The following PTN variants were observed in gnomAD, a reference collection of about 807,000 sequenced individuals.
The protein encoded by PTN is heparin affin regulatory protein.
In PTN, 18 loss-of-function variants were observed where a neutral mutation model predicts 24.1. The ratio of observed to expected loss-of-function variants is 0.75; its 90% CI spans 0.52 to 1.11. The LOEUF (loss-of-function observed/expected upper bound fraction) is 1.11, where lower values mean the gene tolerates loss of function less well. Ranked by LOEUF, PTN falls within the 50% of genes least tolerant of loss-of-function variation. PTN has a pLI of 0.00. For synonymous variants in PTN, 78 were observed against 68.6 expected (o/e 1.14, Z -0.67); for missense variants, 163 against 198.8 (o/e 0.82, Z 1.08).
chr7:137,227,744 T>A lies in PTN; in HGVS notation c.*276A>T, dbSNP rs946829257. The A allele has an allele frequency of 6.7e-5, 19 of 284,922 alleles. No homozygotes were observed. The highest frequency in any genetic ancestry group is 3.9e-4 in the African/African-American group (18 of 45,818). The allele number at this position is 284,922 out of a possible 1,614,324, so 17.6% of individuals were successfully genotyped here. A position where few individuals can be genotyped will look rare whatever the true frequency, so the allele number is the denominator to read the frequency against. ...AAAAAATTTAATGTAAAATGTCACATAATTTCAAAAAACTTACCTCAATTG... is the reference window on the plus strand; with the variant it reads ...AAAAAATTTAATGTAAAATGTCACAAAATTTCAAAAAACTTACCTCAATTG... On this transcript the variant is annotated 3_prime_UTR_variant, in exon 5 of 5. Transcript: ENST00000348225.
chr7:137,230,587 G>GA (rs943801555), intron 4 of PTN, among the ~76,000 whole-genome samples: 3 of 151,310 alleles, frequency 2.0e-5, no homozygotes, highest in South Asian at 2.1e-4. Flanking sequence ...AAATTTTTGT[G>GA]AAAAAAAATC....
At chr7:137,280,197 TCTA>T (rs1016492388) in intron 1 of PTN, among the ~76,000 whole-genome samples, 1 of 152,178 alleles carries the variant, frequency 6.6e-6, no homozygotes, top group African/African-American at 2.4e-5. Context: ...TTTTACTCTC[TCTA>T]CTTTTAATAT....
At chr7:137,320,174 TA>T (rs1455158601) in intron 1 of PTN, among the ~76,000 whole-genome samples, 62 of 152,322 alleles carry the variant, frequency 4.1e-4, no homozygotes, top group African/African-American at 1.4e-3. Context: ...CATGGGAGAA[TA>T]AAACAGTCTT....
At chr7:137,315,057 A>T (rs1810048215) in intron 1 of PTN, among the ~76,000 whole-genome samples, 1 of 152,202 alleles carries the variant, frequency 6.6e-6, no homozygotes, top group Admixed American at 6.5e-5. Flanking sequence ...TAGCCAGCAC[A>T]AGGTCAGGAG....
chr7:137,294,544 C>T (rs1168525843), intron 1 of PTN, among the ~76,000 whole-genome samples: 2 of 152,052 alleles, frequency 1.3e-5, no homozygotes, highest in African/African-American at 4.8e-5. Flanking sequence ...TTAGAATCAC[C>T]TACTCCCTAC....
chr7:137,283,952 A>ATTTTTTTTTTTTTTTTT (rs753374720), intron 1 of PTN, among the ~76,000 whole-genome samples: 5 of 48,922 alleles, frequency 1.0e-4, no homozygotes, highest in Non-Finnish European at 1.0e-4. Flanking sequence ...TGAGCATCAG[A>ATTTTTTTTTTTTTTTTT]TTTTTTTTTT....
At chr7:137,307,026 A>G (rs1372665251) in intron 1 of PTN, among the ~76,000 whole-genome samples, 1 of 152,058 alleles carries the variant, frequency 6.6e-6, no homozygotes, top group Non-Finnish European at 1.5e-5. Context: ...AAAAGTGCCA[A>G]TTTTCCATAC....
intron 1 of PTN, among the ~76,000 whole-genome samples, chr7:137,336,302 C>T (rs1372667346): frequency 6.6e-6 from 1 of 152,140 alleles, no homozygotes; most frequent in Non-Finnish European, 1.5e-5. Flanking sequence ...CCATACCAAA[C>T]AACAGGCGGA....
chr7:137,330,870 C>T (rs868679631), intron 1 of PTN, among the ~76,000 whole-genome samples: 1 of 152,090 alleles, frequency 6.6e-6, no homozygotes, highest in Non-Finnish European at 1.5e-5. Context: ...CAAATCCACC[C>T]TAGAGGAATC....
At chr7:137,239,004 T>C (rs571820554) in intron 4 of PTN, among the ~76,000 whole-genome samples, 2 of 152,350 alleles carry the variant, frequency 1.3e-5, no homozygotes, top group East Asian at 1.9e-4. Context: ...AATTACTCTA[T>C]AGCTGTTTTG....
intron 4 of PTN, among the ~76,000 whole-genome samples, chr7:137,248,869 G>C (rs1284653193): frequency 6.6e-6 from 1 of 152,022 alleles, no homozygotes; most frequent in Non-Finnish European, 1.5e-5. Flanking sequence ...ATCACTCATA[G>C]TAATCATATT....
In PTN at chr7:137,242,150, C is replaced by A. The variant is rs1808641189; in HGVS notation, c.451+9080G>T. Among the ~76,000 whole-genome samples, 5 of 152,246 alleles carry A rather than the reference C, an allele frequency of 3.3e-5. No homozygotes were observed. In the South Asian group the frequency reaches 1.0e-3, roughly 32 times the overall value. ...GCTGGGAATATCACTTTCCTGACCC[C>A]TTTTTTCCCATTTAATAATCAGCTG... On this transcript the variant is annotated intron_variant, in intron 4 of 4. Transcript: ENST00000348225.
At position 137,238,973 on chromosome 7, in the gene PTN, T is replaced by C. The variant is rs564183713; in HGVS notation, c.452-10898A>G. 5.3e-5 allele frequency among the ~76,000 whole-genome samples: 8 copies of C among 152,322 alleles called. 1 individual carries two copies. The South Asian group carries it at 1.7e-3, about 32-fold the overall frequency. On this transcript the variant is annotated intron_variant, in intron 4 of 4. Coordinates refer to ENST00000348225, the MANE Select transcript of PTN (RefSeq NM_002825.7). ...GGAGGTCCCGAAACCCAATAACTAATATGCAGCTTTCCTTAGTACTAATTA... is the reference window on the plus strand; with the variant it reads ...GGAGGTCCCGAAACCCAATAACTAACATGCAGCTTTCCTTAGTACTAATTA...
rs1267952617 is a variant in PTN, at chr7:137,278,321, A to T, written c.-1-23347T>A. Among the ~76,000 whole-genome samples the T allele has an allele frequency of 3.4e-5, 5 of 148,194 alleles. 1 individual carries two copies. The highest frequency in any genetic ancestry group is 2.0e-4 in the Admixed American group (3 of 14,982). ...GACTCCGTCTCAAAAAAAAAAAAAA[A>T]AAAAAAAAAAAAAAAAATGACTACT... is the stretch of plus-strand genomic sequence containing the variant. On this transcript the variant is annotated intron_variant, in intron 1 of 4. Transcript: ENST00000348225.
chr7:137,330,977 T>G (rs943250677), intron 1 of PTN, among the ~76,000 whole-genome samples: 1 of 152,334 alleles, frequency 6.6e-6, no homozygotes, highest in African/African-American at 2.4e-5. Flanking sequence ...TGCTATCTAA[T>G]AGAATTTTAT....
chr7:137,335,261 G>A (rs1169961532), intron 1 of PTN, among the ~76,000 whole-genome samples: 1 of 151,858 alleles, frequency 6.6e-6, no homozygotes, highest in African/African-American at 2.4e-5. Context: ...AATGAAGAAG[G>A]CAACATTTGG....
chr7:137,340,495 C>G (rs949337043), intron 1 of PTN, among the ~76,000 whole-genome samples: 2 of 152,172 alleles, frequency 1.3e-5, no homozygotes, highest in African/African-American at 4.8e-5. Flanking sequence ...GGAAAAACAA[C>G]TTTCCACGAG....
At position 137,277,246 on chromosome 7, in the gene PTN, C is replaced by T. The variant is rs1423451428; in HGVS notation, c.-1-22272G>A. On this transcript the variant is annotated intron_variant, in intron 1 of 4. Coordinates refer to ENST00000348225, the MANE Select transcript of PTN (RefSeq NM_002825.7). Reference sequence around the variant, plus strand: ...ATCACTATGTAGCCCACTCAACTAACCAAAATTCACAGACTGACCAAACCA... The same window carrying T: ...ATCACTATGTAGCCCACTCAACTAATCAAAATTCACAGACTGACCAAACCA... Among the ~76,000 whole-genome samples the T allele has an allele frequency of 9.8e-5, 15 of 152,294 alleles. No individual in the cohort carries two copies. In the South Asian group the frequency reaches 2.5e-3, roughly 25 times the overall value.
chr7:137,325,879 T>G (rs1017907207), intron 1 of PTN: 1 of 152,220 alleles, frequency 6.6e-6, no homozygotes, highest in Admixed American at 6.5e-5. Flanking sequence ...TTGGAAGATA[T>G]GGCCTCACAC....
Sources: allele counts gnomAD v4.1 joint callset (sites outside exome capture counted in the v4.1 genomes callset), GRCh38; gene constraint gnomAD v4.1.1; transcripts MANE v1.5; gene names NCBI Gene and HGNC (gene_info 2026-07-23, HGNC 2026-07-21).